Variants in RPL31 observed in about 807,000 individuals in gnomAD.
RPL31 encodes large ribosomal subunit protein eL31.
For missense variants in RPL31, 95 were observed against 164.0 expected (o/e 0.58, Z 2.30); for synonymous variants, 51 against 55.0 (o/e 0.93, Z 0.32).
chr2:101,008,658 C>G (rs1365898651), downstream of RPL31, among the ~76,000 whole-genome samples: 1 of 151,978 alleles, frequency 6.6e-6, no homozygotes, highest in African/African-American at 2.4e-5. Context: ...ACTAAAAATA[C>G]AAAATTAGCC....
At chr2:101,007,832 T>A, downstream of RPL31, 1 of 1,613,566 alleles carries the variant, frequency 6.2e-7, no homozygotes, top group Non-Finnish European at 8.5e-7. Context: ...TACAAGTTAC[T>A]CAGCTTAAGT....
intron 4 of RPL31, among the ~76,000 whole-genome samples, chr2:101,012,588 AATTG>A (rs375141710): frequency 1.9e-3 from 285 of 151,572 alleles, no homozygotes; most frequent in African/African-American, 6.6e-3. Context: ...AATGGTCTAA[AATTG>A]ATTGTGGTGA....
Position 101,017,817 on chromosome 2 carries a change from C to T in RPL31, c.347-1181C>T, listed in dbSNP as rs1220277453. ...GGACTTTTTAATATTAGTTTTCATA[C>T]TAATACTAACAGTGAAGCAGCTACA... On this transcript the variant is annotated intron_variant, in intron 4 of 4. Transcript: ENST00000409028. The T allele has an allele frequency of 5.2e-6, 8 of 1,547,404 alleles. 1 individual carries two copies. The South Asian group carries it at 9.5e-5, about 18-fold the overall frequency.
Position 101,006,592 on chromosome 2 carries a change from G to A in RPL31, c.*211G>A, listed in dbSNP as rs1678748525. 2.1e-6 allele frequency: 1 copy of A among 473,936 alleles called. No individual in the cohort carries two copies. The highest frequency in any genetic ancestry group is 3.7e-6 in the Non-Finnish European group (1 of 272,672). The allele number at this position is 473,936 out of a possible 1,614,324, so 29.4% of individuals were successfully genotyped here. A position where few individuals can be genotyped will look rare whatever the true frequency, so the allele number is the denominator to read the frequency against. On this transcript the variant is annotated 3_prime_UTR_variant, in exon 5 of 5. Coordinates refer to ENST00000264258, the MANE Select transcript of RPL31 (RefSeq NM_000993.5). ...ACCTAGTTTTAGAACCACTGTTCTG[G>A]GTAGTTGGGATACTGAAGGCATATT...
Position 101,013,411 on chromosome 2 carries a change from C to G in RPL31, c.347-5587C>G, listed in dbSNP as rs1573859661. Reference sequence around the variant, plus strand: ...TTTAAACATGACCTTATTTTTCATTCCTATATATATGTAGCCTGTAATTCA... The same window carrying G: ...TTTAAACATGACCTTATTTTTCATTGCTATATATATGTAGCCTGTAATTCA... On this transcript the variant is annotated intron_variant, in intron 4 of 4. Transcript: ENST00000409028. 2.0e-5 allele frequency among the ~76,000 whole-genome samples: 3 copies of G among 152,242 alleles called. No homozygotes were observed. The South Asian group carries it at 6.2e-4, about 32-fold the overall frequency.
downstream of RPL31, chr2:101,011,060 T>A: frequency 1.3e-6 from 2 of 1,595,050 alleles, no homozygotes; most frequent in Non-Finnish European, 1.7e-6. Flanking sequence ...GTGGTTTAAT[T>A]TAAATAAATT....
exon 5 of RPL31, chr2:101,019,226 C>T: frequency 3.7e-6 from 2 of 547,534 alleles, no homozygotes; most frequent in Non-Finnish European, 6.1e-6. Context: ...GCCCTTGCCT[C>T]TTCGACAGGC....
downstream of RPL31, chr2:101,010,870 A>T: frequency 7.0e-7 from 1 of 1,420,878 alleles, no homozygotes; most frequent in South Asian, 1.2e-5. Flanking sequence ...CGACAGAGCG[A>T]GACTCCATCT....
At chr2:101,017,818 T>A (rs1244463004) in intron 4 of RPL31, 1 of 1,547,850 alleles carries the variant, frequency 6.5e-7, no homozygotes, top group Non-Finnish European at 8.7e-7. Flanking sequence ...GTTTTCATAC[T>A]AATACTAACA....
chr2:101,007,700 T>C (rs1239271532), downstream of RPL31: 3 of 1,022,398 alleles, frequency 2.9e-6, no homozygotes, highest in Non-Finnish European at 4.3e-6. Flanking sequence ...TGTCAGGTTG[T>C]TTAGCCAGAT....
chr2:101,008,337 A>AACAT, downstream of RPL31: 7 of 1,290,112 alleles, frequency 5.4e-6, no homozygotes, highest in Non-Finnish European at 6.2e-6. Flanking sequence ...TTTTTTTTTA[A>AACAT]ACATACCTGT....
intron 4 of RPL31, among the ~76,000 whole-genome samples, chr2:101,017,486 G>A (rs1361516086): frequency 6.6e-6 from 1 of 152,150 alleles, no homozygotes; most frequent in Non-Finnish European, 1.5e-5. Context: ...CAATGGCTAA[G>A]ATAGGAATTT....
intron 3 of RPL31, 106 bp from the exon 4 acceptor site, chr2:101,005,853 C>A: frequency 1.0e-6 from 1 of 954,176 alleles, no homozygotes; most frequent in Non-Finnish European, 1.6e-6. Flanking sequence ...CAGAGTAGAG[C>A]AAAGGACAGC....
chr2:101,015,580 TC>T (rs1403393844), intron 4 of RPL31, among the ~76,000 whole-genome samples: 4 of 152,200 alleles, frequency 2.6e-5, no homozygotes, highest in Admixed American at 6.5e-5. Context: ...CATTTTTCTA[TC>T]AAAAAAATCT....
At position 101,006,388 on chromosome 2, in the gene RPL31, A is replaced by T. The variant is rs1678738147; in HGVS notation, c.*7A>T. On this transcript the variant is annotated 3_prime_UTR_variant, in exon 5 of 5. Coordinates refer to ENST00000264258, the MANE Select transcript of RPL31 (RefSeq NM_000993.5). ...CAATGTGGATGAGAACTAATCGCTG[A>T]TCGTCAGATCAAATAAAGTTATAAA... 4.0e-5 allele frequency: 65 copies of T among 1,607,808 alleles called. No homozygotes were observed. The highest frequency in any genetic ancestry group is 5.2e-5 in the Non-Finnish European group (61 of 1,178,536).
chr2:101,014,652 G>A (rs1022781774), intron 4 of RPL31, among the ~76,000 whole-genome samples: 6 of 152,152 alleles, frequency 3.9e-5, no homozygotes, highest in Admixed American at 6.5e-5. Flanking sequence ...CCCATTATTA[G>A]TTTGGTCCTT....
At chr2:101,009,000 A>G (rs946933049), downstream of RPL31, among the ~76,000 whole-genome samples, 1 of 152,214 alleles carries the variant, frequency 6.6e-6, no homozygotes, top group Non-Finnish European at 1.5e-5. Flanking sequence ...TTGTTTTCTC[A>G]GTGTAATCTG....
intron 4 of RPL31, chr2:101,018,960 G>A (rs769918717): frequency 1.2e-6 from 2 of 1,605,500 alleles, no homozygotes; most frequent in South Asian, 1.1e-5. Flanking sequence ...TGTGTTACCT[G>A]ACATGGTACC....
intron 4 of RPL31, chr2:101,017,963 CATT>C (rs1679776518): frequency 8.4e-6 from 13 of 1,547,052 alleles, no homozygotes; most frequent in South Asian, 2.4e-5. Flanking sequence ...GGTGAAAAGT[CATT>C]ATAGAGGATT....
Sources: allele counts gnomAD v4.1 joint callset (sites outside exome capture counted in the v4.1 genomes callset), GRCh38; gene constraint gnomAD v4.1.1; transcripts MANE v1.5; gene names NCBI Gene and HGNC (gene_info 2026-07-23, HGNC 2026-07-21).